Variants in PSMC1 observed in about 807,000 individuals in gnomAD.
PSMC1 encodes the protein proteasome 26S subunit, ATPase 1.
In PSMC1, 5 loss-of-function variants were observed where a neutral mutation model predicts 49.8. That is an observed-to-expected ratio of 0.10 (90% CI 0.05 to 0.21). The LOEUF (loss-of-function observed/expected upper bound fraction) is 0.21, where lower values mean the gene tolerates loss of function less well. Among genes scored for constraint, PSMC1 ranks in the 10% least tolerant of loss-of-function variants. The pLI is 1.00. For missense variants in PSMC1, 181 were observed against 535.7 expected, an observed-to-expected ratio of 0.34 and a Z score of 6.54; for synonymous variants, 155 against 192.1, an observed-to-expected ratio of 0.81 and a Z score of 1.60.
In PSMC1 at chr14:90,274,838, ACC is replaced by A. The variant is rs1206866308; in HGVS notation, c.*2434_*2435del. 3 of 67,220 alleles carry A rather than the reference ACC, an allele frequency of 4.5e-5. No homozygotes were observed. The highest frequency in any genetic ancestry group is 1.2e-4 in the African/African-American group (2 of 16,362). 4.2% of individuals were successfully genotyped at this position (67,220 alleles called of 1,614,324 possible). On this transcript the variant is annotated 3_prime_UTR_variant, in exon 11 of 11. Transcript: ENST00000261303. The stretch of plus-strand genomic sequence containing the variant: ...CACACACACACACACACACACACAC[ACC>A]CCAATACATATGAATTGATCTGAAA...
At position 90,272,093 on chromosome 14, in the gene PSMC1, C is replaced by G; in HGVS notation, c.1189-180C>G. The G allele has an allele frequency of 2.1e-6, 1 of 475,442 alleles. No individual in the cohort carries two copies. Among genetic ancestry groups the G allele is most frequent in the South Asian group, 2.4e-5 (1 of 42,490 alleles). The allele number at this position is 475,442 out of a possible 1,614,324, so 29.5% of individuals were successfully genotyped here. On this transcript the variant is annotated intron_variant, in intron 10 of 10. Coordinates refer to ENST00000261303, the MANE Select transcript of PSMC1 (RefSeq NM_002802.3). The surrounding 1 kb of genome is among the most constrained non-coding windows in gnomAD (Gnocchi z 4.5). ...ATTTTTAGTAGAGATGGGGTTTCAC[C>G]GTGTTGGCCAGGCTGGTCTTGAACT...
chr14:90,264,308 T>C, intron 6 of PSMC1, 139 bp downstream of exon 6: 1 of 1,243,228 alleles, frequency 8.0e-7, no homozygotes, highest in Non-Finnish European at 1.1e-6. Context: ...AGTTGTGGTA[T>C]TTTTGTATTT....
rs1566677012 is a variant in PSMC1 at position 90,273,137 on chromosome 14, T to A, written c.*730T>A. 1 of 152,224 alleles carries A rather than the reference T, an allele frequency of 6.6e-6. No homozygotes were observed. The allele number at this position is 152,224 out of a possible 1,614,324, so 9.4% of individuals were successfully genotyped here. A position where few individuals can be genotyped will look rare whatever the true frequency, so the allele number is the denominator to read the frequency against. On this transcript the variant is annotated 3_prime_UTR_variant, in exon 11 of 11. Coordinates refer to ENST00000261303, the MANE Select transcript of PSMC1 (RefSeq NM_002802.3). ...ACAAATCAGGCCTAAAGCTATTAAG[T>A]GGGACAGATCAAGGTAAGCGTTCCC...
chr14:90,269,666 G>T (rs1370173890), intron 9 of PSMC1, 118 bp downstream of exon 9: 1 of 1,186,202 alleles, frequency 8.4e-7, no homozygotes, highest in Non-Finnish European at 1.2e-6. Context: ...GTGAAACTTA[G>T]GATAATTTAC....
At position 90,272,688 on chromosome 14, in the gene PSMC1, G is replaced by A; in HGVS notation, c.*281G>A. 3.6e-6 allele frequency: 1 copy of A among 274,112 alleles called. No homozygotes were observed. The highest frequency in any genetic ancestry group is 7.2e-6 in the Non-Finnish European group (1 of 139,198). 17.0% of individuals were successfully genotyped at this position (274,112 alleles called of 1,614,324 possible). A position where few individuals can be genotyped will look rare whatever the true frequency, so the allele number is the denominator to read the frequency against. Reference sequence around the variant, plus strand: ...CAACAGCAGCCTGTGGGTGGACCCAGCTACAGGGAAGCCTTTGGACAGGAA... The same window carrying A: ...CAACAGCAGCCTGTGGGTGGACCCAACTACAGGGAAGCCTTTGGACAGGAA... On this transcript the variant is annotated 3_prime_UTR_variant, in exon 11 of 11. Coordinates refer to ENST00000261303, the MANE Select transcript of PSMC1 (RefSeq NM_002802.3). The surrounding 1 kb of genome is among the most constrained non-coding windows in gnomAD (Gnocchi z 4.5).
chr14:90,259,277 GAGA>G, intron 2 of PSMC1, 64 bp downstream of exon 2: 2 of 1,501,710 alleles, frequency 1.3e-6, no homozygotes, highest in Non-Finnish European at 1.8e-6. Context: ...GGTCTCGGCT[GAGA>G]AGTTCTGTGG....
intron 6 of PSMC1, among the ~76,000 whole-genome samples, chr14:90,264,451 G>T (rs906246443): frequency 6.6e-6 from 1 of 152,194 alleles, no homozygotes; most frequent in Non-Finnish European, 1.5e-5. Flanking sequence ...TGATTATGTT[G>T]ACTTCAGTTG....
chr14:90,268,595 A>G (rs1278968782), intron 8 of PSMC1, 182 bp downstream of exon 8: 1 of 616,992 alleles, frequency 1.6e-6, no homozygotes, highest in East Asian at 2.8e-5. Context: ...AGTAACTGTG[A>G]ACGTCTGGAG....
chr14:90,272,125 C>T lies in PSMC1; in HGVS notation c.1189-148C>T. 1 of 745,048 alleles carries T rather than the reference C, an allele frequency of 1.3e-6. No homozygotes were observed. The highest frequency in any genetic ancestry group is 2.1e-6 in the Non-Finnish European group (1 of 473,206). The allele number at this position is 745,048 out of a possible 1,614,324, so 46.2% of individuals were successfully genotyped here. A position where few individuals can be genotyped will look rare whatever the true frequency, so the allele number is the denominator to read the frequency against. ...GCCAGGCTGGTCTTGAACTCCTGACCTTAGGCGATCCACCTGCCTCGGCCT... is the reference window on the plus strand; with the variant it reads ...GCCAGGCTGGTCTTGAACTCCTGACTTTAGGCGATCCACCTGCCTCGGCCT... On this transcript the variant is annotated intron_variant, in intron 10 of 10. Coordinates refer to ENST00000261303, the MANE Select transcript of PSMC1 (RefSeq NM_002802.3). This position sits in a 1 kb window ranked among gnomAD's most constrained non-coding sequence, Gnocchi z 4.5.
chr14:90,269,603 T>G, intron 9 of PSMC1, 55 bp downstream of exon 9: 1 of 1,569,840 alleles, frequency 6.4e-7, no homozygotes, highest in Middle Eastern at 1.7e-4. Context: ...TATTTGTGTT[T>G]AAGTGTGCTT....
At position 90,270,243 on chromosome 14, in the gene PSMC1, C is replaced by T; in HGVS notation, c.1079C>T (p.Thr360Met). The T allele has an allele frequency of 1.2e-6, 2 of 1,613,572 alleles. No homozygotes were observed. The highest frequency in any genetic ancestry group is 1.7e-6 in the Non-Finnish European group (2 of 1,179,798). Residue 360 changes from threonine (T) to methionine (M), a missense_variant, in exon 10 of 11, where the codon ACG (threonine) becomes ATG (methionine). Around this residue, in one of 3 missense-constraint regions of PSMC1, gnomAD observed 60 missense variants for 155.5 expected, o/e 0.39. Coordinates refer to ENST00000261303, the MANE Select transcript of PSMC1 (RefSeq NM_002802.3). ...KIEFPLPDEK[T>M]KKRIFQIHTS... ...GAGTTCCCCCTGCCTGATGAAAAGA[C>T]GAAGAAGCGCATCTTTCAGATTCAC... is the stretch of plus-strand genomic sequence containing the variant.
intron 1 of PSMC1, among the ~76,000 whole-genome samples, chr14:90,257,618 T>A (rs11845950): frequency 0.55 from 83,818 of 152,068 alleles, 23,782 homozygotes; most frequent in Middle Eastern, 0.72. Flanking sequence ...TTTTAATTTT[T>A]ATTTTTTTGA....
intron 7 of PSMC1, among the ~76,000 whole-genome samples, chr14:90,266,252 C>CA (rs750281215): frequency 8.2e-4 from 119 of 145,892 alleles, no homozygotes; most frequent in Admixed American, 1.8e-3. Context: ...GAGACCATCT[C>CA]CAAAAAAAAA....
At chr14:90,260,758 A>G (rs1374426387) in intron 3 of PSMC1, among the ~76,000 whole-genome samples, 1 of 152,014 alleles carries the variant, frequency 6.6e-6, no homozygotes, top group Non-Finnish European at 1.5e-5. Flanking sequence ...CAAAAAAGTC[A>G]CCATTTTTCT....
At chr14:90,256,715 T>C (rs2277514) in intron 1 of PSMC1, 115 bp downstream of exon 1, 869,339 of 1,483,208 alleles carry the variant, frequency 0.59, 257,492 homozygotes, top group Middle Eastern at 0.7. Flanking sequence ...TCTTCTCCTT[T>C]TGCCGGCCTG....
intron 1 of PSMC1, 91 bp downstream of exon 1, chr14:90,256,691 A>G: frequency 6.5e-7 from 1 of 1,531,380 alleles, no homozygotes; most frequent in Non-Finnish European, 8.9e-7. Flanking sequence ...CTGCCCGAGG[A>G]ACTGGGACAG....
chr14:90,263,656 A>G lies in PSMC1; in HGVS notation c.280-6A>G. 1.2e-6 allele frequency: 2 copies of G among 1,612,718 alleles called. No homozygotes were observed. The highest frequency in any genetic ancestry group is 1.7e-6 in the Non-Finnish European group (2 of 1,179,144). ...TGCTTTTTTCCCTTGGCATTTTCAT[A>G]TGTAGGAGGAAAGATCAAAAGTGGA... On this transcript the variant is annotated splice_region_variant and splice_polypyrimidine_tract_variant and intron_variant, in intron 4 of 10. Coordinates refer to ENST00000261303, the MANE Select transcript of PSMC1 (RefSeq NM_002802.3).
intron 10 of PSMC1, 138 bp downstream of exon 10, chr14:90,270,490 C>A: frequency 1.1e-6 from 1 of 952,004 alleles, no homozygotes; most frequent in Non-Finnish European, 1.5e-6. Context: ...TTTACGATTA[C>A]ATCCAAATGG....
At chr14:90,263,233 G>A (rs1891435097) in intron 3 of PSMC1, 85 bp from the exon 4 acceptor site, 11 of 1,388,294 alleles carry the variant, frequency 7.9e-6, no homozygotes, top group Non-Finnish European at 1.1e-5. Flanking sequence ...CAACAAAAAT[G>A]AGCGTATTTT....
Sources: allele counts gnomAD v4.1 joint callset (sites outside exome capture counted in the v4.1 genomes callset), GRCh38; gene constraint gnomAD v4.1.1; regional missense constraint gnomAD v4.1.1; non-coding constraint Gnocchi (gnomAD v3.1); transcripts MANE v1.5; gene names NCBI Gene and HGNC (gene_info 2026-07-23, HGNC 2026-07-21).